WWC1: variants seen among roughly 807,000 people sequenced by gnomAD.
The protein encoded by WWC1 is protein KIBRA.
In WWC1, 55 loss-of-function variants were observed where a neutral mutation model predicts 138.4. That is an observed-to-expected ratio of 0.40 (90% CI 0.32 to 0.50). The LOEUF is 0.50. Ranked by LOEUF, WWC1 falls within the 20% of genes least tolerant of loss-of-function variation. WWC1 has a pLI of 0.72. For missense variants in WWC1, 1,226 were observed against 1,420.4 expected (o/e 0.86, Z 2.20); for synonymous variants, 524 against 564.9 (o/e 0.93, Z 1.03).
At chr5:168,456,147 G>A (rs1169123040) in intron 19 of WWC1, among the ~76,000 whole-genome samples, 1 of 151,490 alleles carries the variant, frequency 6.6e-6, no homozygotes, top group Non-Finnish European at 1.5e-5. Flanking sequence ...CTAAGAAAAA[G>A]TTAAAAATTA....
chr5:168,293,726 A>C (rs772988277), intron 1 of WWC1, among the ~76,000 whole-genome samples: 1 of 152,190 alleles, frequency 6.6e-6, no homozygotes, highest in East Asian at 1.9e-4. Flanking sequence ...GAATATTGGG[A>C]TGCTTAAAAC....
intron 1 of WWC1, among the ~76,000 whole-genome samples, chr5:168,370,455 G>A (rs17632944): frequency 0.012 from 1,891 of 152,324 alleles, 22 homozygotes; most frequent in Non-Finnish European, 0.02. Flanking sequence ...CACTTTGCCA[G>A]TCTATAGAAA....
At chr5:168,295,464 G>C (rs573045495) in intron 1 of WWC1, among the ~76,000 whole-genome samples, 1 of 142,842 alleles carries the variant, frequency 7.0e-6, no homozygotes, top group South Asian at 2.2e-4. Flanking sequence ...ACAAAAAATT[G>C]CACTAAAAAT....
At chr5:168,313,916 GA>G (rs1771344426) in intron 1 of WWC1, among the ~76,000 whole-genome samples, 1 of 152,218 alleles carries the variant, frequency 6.6e-6, no homozygotes, top group South Asian at 2.1e-4. Context: ...CGGGTGGGGC[GA>G]TGGAGCTCAA....
chr5:168,343,968 C>T (rs1487016902), intron 1 of WWC1, among the ~76,000 whole-genome samples: 3 of 152,142 alleles, frequency 2.0e-5, no homozygotes, highest in Non-Finnish European at 4.4e-5. Context: ...CGTGCTTCCC[C>T]CTCGGCTCAG....
In WWC1 at chr5:168,449,904, T is replaced by C. The variant is rs1292498020; in HGVS notation, c.2526-4064T>C. Among the ~76,000 whole-genome samples the C allele has an allele frequency of 3.3e-5, 5 of 152,202 alleles. No homozygotes were observed. In the East Asian group the frequency reaches 9.6e-4, roughly 29 times the overall value. On this transcript the variant is annotated intron_variant, in intron 17 of 22. Coordinates refer to ENST00000265293, the MANE Select transcript of WWC1 (RefSeq NM_015238.3). ...CTCTTTTATTTGTAGATAGAGAGGC[T>C]GCTGGGGCCAAGGAGGAGAGCCAAG...
At chr5:168,419,647 A>T (rs909577256) in intron 9 of WWC1, among the ~76,000 whole-genome samples, 1 of 152,220 alleles carries the variant, frequency 6.6e-6, no homozygotes, top group Non-Finnish European at 1.5e-5. Flanking sequence ...TGATGCAGGT[A>T]GTCTGTGGGC....
chr5:168,420,323 C>T (rs1443360858), intron 9 of WWC1, among the ~76,000 whole-genome samples: 1 of 152,142 alleles, frequency 6.6e-6, no homozygotes, highest in Non-Finnish European at 1.5e-5. Flanking sequence ...CTCCTCCCTC[C>T]GTTTCACATG....
intron 19 of WWC1, among the ~76,000 whole-genome samples, chr5:168,458,578 A>G (rs948584808): frequency 4.6e-5 from 7 of 152,260 alleles, no homozygotes; most frequent in Admixed American, 2.6e-4. Context: ...CTCAGCCCCC[A>G]TGTATTCATC....
intron 1 of WWC1, among the ~76,000 whole-genome samples, chr5:168,345,161 G>A (rs1283552640): frequency 6.6e-6 from 1 of 152,184 alleles, no homozygotes; most frequent in African/African-American, 2.4e-5. Context: ...CTGGAGGGCA[G>A]TGGTGCAATC....
At chr5:168,461,770 A>G (rs1248478379) in intron 20 of WWC1, among the ~76,000 whole-genome samples, 2 of 152,286 alleles carry the variant, frequency 1.3e-5, no homozygotes, top group East Asian at 1.9e-4. Flanking sequence ...TGTCAGAAAG[A>G]AAAAAGGGGC....
intron 1 of WWC1, among the ~76,000 whole-genome samples, chr5:168,362,671 C>T (rs1775966834): frequency 6.6e-6 from 1 of 152,240 alleles, no homozygotes; most frequent in Non-Finnish European, 1.5e-5. Flanking sequence ...TTAAACCCAA[C>T]AGGCAGCACA....
chr5:168,428,185 T>C (rs1392151286), intron 12 of WWC1, 44 bp downstream of exon 12: 1 of 1,578,250 alleles, frequency 6.3e-7, no homozygotes, highest in East Asian at 2.3e-5. Flanking sequence ...CTGTAAGCCA[T>C]GAACTCTGAA....
intron 20 of WWC1, 143 bp downstream of exon 20, chr5:168,460,885 C>G (rs989460351): frequency 4.9e-6 from 4 of 809,830 alleles, no homozygotes; most frequent in Non-Finnish European, 7.9e-6. Flanking sequence ...CAAGCATTTG[C>G]GAACAGATGT....
chr5:168,412,142 G>A, intron 8 of WWC1: 3 of 985,400 alleles, frequency 3.0e-6, no homozygotes, highest in Non-Finnish European at 3.6e-6. Flanking sequence ...CAGTCCTTGA[G>A]ACACTAAAGG....
chr5:168,323,797 AAT>A (rs1236843854), intron 1 of WWC1, among the ~76,000 whole-genome samples: 1 of 152,192 alleles, frequency 6.6e-6, no homozygotes, highest in Non-Finnish European at 1.5e-5. Flanking sequence ...AATCCAGGAA[AAT>A]CATGTGGAAA....
chr5:168,310,563 A>G (rs1770980941), intron 1 of WWC1, among the ~76,000 whole-genome samples: 1 of 152,072 alleles, frequency 6.6e-6, no homozygotes, highest in African/African-American at 2.4e-5. Context: ...CCAGGCACAG[A>G]GTGGCTCATG....
chr5:168,294,288 T>G (rs1395910885), intron 1 of WWC1, among the ~76,000 whole-genome samples: 2 of 152,148 alleles, frequency 1.3e-5, no homozygotes, highest in Non-Finnish European at 2.9e-5. Context: ...TTTTGCTATA[T>G]CCACCTGTGC....
intron 1 of WWC1, among the ~76,000 whole-genome samples, chr5:168,314,879 A>G (rs894813671): frequency 1.3e-5 from 2 of 152,164 alleles, no homozygotes; most frequent in Admixed American, 1.3e-4. Flanking sequence ...CCCATCAGGG[A>G]TTAGGACACT....
Sources: gnomAD v4.1 joint callset for allele counts (sites outside exome capture counted in the v4.1 genomes callset) on GRCh38, gnomAD v4.1.1 for gene constraint, MANE v1.5 for transcripts, NCBI Gene and HGNC (gene_info 2026-07-23, HGNC 2026-07-21) for gene names.